The following IL1RAPL2 variants were observed in gnomAD, a reference collection of about 807,000 sequenced individuals.
The protein encoded by IL1RAPL2 is interleukin 1 receptor accessory protein like 2, also known as X-linked interleukin-1 receptor accessory protein-like 2.
IL1RAPL2 carries 3 observed loss-of-function variants against 44.1 expected under a neutral mutation model. The ratio of observed to expected loss-of-function variants is 0.07; its 90% confidence interval spans 0.03 to 0.18. The LOEUF (loss-of-function observed/expected upper bound fraction) is 0.18, where lower values mean the gene tolerates loss of function less well. Among genes scored for constraint, IL1RAPL2 ranks in the 10% least tolerant of loss-of-function variants. The pLI is 1.00. For missense variants in IL1RAPL2, 391 were observed against 496.4 expected, an observed-to-expected ratio of 0.79 and a Z score of 2.02; for synonymous variants, 181 against 178.8, an observed-to-expected ratio of 1.01 and a Z score of -0.10.
chrX:105,652,638 G>A (rs935171291), intron 6 of IL1RAPL2, among the ~76,000 whole-genome samples: 2 of 111,214 alleles, frequency 1.8e-5, no homozygotes, highest in African/African-American at 3.3e-5. Context: ...ATTTCTAATA[G>A]CTTCTCTTCC....
intron 3 of IL1RAPL2, among the ~76,000 whole-genome samples, chrX:105,207,190 T>C (rs1028625718): frequency 2.7e-5 from 3 of 110,944 alleles, no homozygotes; most frequent in Non-Finnish European, 5.7e-5. Flanking sequence ...TATTATTCAT[T>C]AAACAAATAT....
At chrX:105,440,651 A>G (rs5962521) in intron 5 of IL1RAPL2, among the ~76,000 whole-genome samples, 3,001 of 112,408 alleles carry the variant, frequency 0.027, 102 homozygotes, top group African/African-American at 0.091. Context: ...TAATTTTCAC[A>G]TAAGTAATAG....
At chrX:104,617,628 G>A (rs1414147718) in intron 1 of IL1RAPL2, among the ~76,000 whole-genome samples, 1 of 111,697 alleles carries the variant, frequency 9.0e-6, no homozygotes, top group Non-Finnish European at 1.9e-5. Context: ...TATTCTGCTT[G>A]GTTCAATCTG....
At chrX:104,691,026 A>G (rs781537998) in intron 2 of IL1RAPL2, among the ~76,000 whole-genome samples, 1 of 111,805 alleles carries the variant, frequency 8.9e-6, no homozygotes, top group Admixed American at 9.5e-5. Context: ...AAAAGTCTAG[A>G]GAGCAAAGTG....
intron 6 of IL1RAPL2, among the ~76,000 whole-genome samples, chrX:105,581,194 A>G (rs2037086986): frequency 8.9e-6 from 1 of 111,814 alleles, no homozygotes; most frequent in African/African-American, 3.2e-5. Flanking sequence ...CACAGCCTAA[A>G]TATCACACTA....
intron 6 of IL1RAPL2, among the ~76,000 whole-genome samples, chrX:105,550,680 G>A (rs185578014): frequency 4.5e-5 from 5 of 111,490 alleles, no homozygotes; most frequent in East Asian, 2.8e-4. Flanking sequence ...AAAATGGAAT[G>A]TAATTTCAAT....
chrX:105,253,279 A>C (rs1288568268), intron 4 of IL1RAPL2, among the ~76,000 whole-genome samples: 1 of 110,270 alleles, frequency 9.1e-6, no homozygotes, highest in African/African-American at 3.3e-5. Flanking sequence ...CTTGTTGGGA[A>C]GTTTCTATTG....
intron 2 of IL1RAPL2, among the ~76,000 whole-genome samples, chrX:104,865,354 G>T (rs923603445): frequency 8.9e-6 from 1 of 111,738 alleles, no homozygotes; most frequent in Admixed American, 9.5e-5. Flanking sequence ...GTTGTGTGAA[G>T]GATAGCTATA....
At position 104,975,768 on chromosome X, in the gene IL1RAPL2, C is replaced by T. The variant is rs1169611227; in HGVS notation, c.83-219707C>T. ...CCCTCTCCAGGTGGTACTGGTTGGG[C>T]TTATTTTCCTGGGCAGTGTGGGGTA... is the stretch of plus-strand genomic sequence containing the variant. On this transcript the variant is annotated intron_variant, in intron 2 of 10. Transcript: ENST00000372582. Among the ~76,000 whole-genome samples, 3 of 111,944 alleles carry T rather than the reference C, an allele frequency of 2.7e-5. No homozygotes were observed. The Admixed American group carries it at 2.8e-4, about 11-fold the overall frequency.
chrX:105,163,764 AAG>A (rs745922589), intron 2 of IL1RAPL2, among the ~76,000 whole-genome samples: 74 of 111,119 alleles, frequency 6.7e-4, no homozygotes, highest in Non-Finnish European at 4.2e-4. Context: ...AGGCTCAAAA[AAG>A]AGAGTAGCTA....
rs945837113 is a variant in IL1RAPL2 at position 105,659,269 on chromosome X, G to A, written c.773-58098G>A. Reference sequence around the variant, plus strand: ...AGACATAGATAGAGACCTTTCAGACGGAGAATTCAAAATAACTGTTTTTTG... The same window carrying A: ...AGACATAGATAGAGACCTTTCAGACAGAGAATTCAAAATAACTGTTTTTTG... On this transcript the variant is annotated intron_variant, in intron 6 of 10. Coordinates refer to ENST00000372582, the MANE Select transcript of IL1RAPL2 (RefSeq NM_017416.2). Among the ~76,000 whole-genome samples, 3 of 111,385 alleles carry A rather than the reference G, an allele frequency of 2.7e-5. No individual in the cohort carries two copies. The South Asian group carries it at 1.1e-3, about 42-fold the overall frequency.
rs776123771 is a variant in IL1RAPL2, at chrX:105,540,635, T to A, written c.772+56248T>A. On this transcript the variant is annotated intron_variant, in intron 6 of 10. Coordinates refer to ENST00000372582, the MANE Select transcript of IL1RAPL2 (RefSeq NM_017416.2). ...TTTTTCTCCACCTCATTCTGCTCCG[T>A]TGAATTTCTGACTCATATCTAACTG... Among the ~76,000 whole-genome samples, 7 of 105,879 alleles carry A rather than the reference T, an allele frequency of 6.6e-5. No individual in the cohort carries two copies. In the Admixed American group the frequency reaches 7.6e-4, roughly 11 times the overall value. 91.9% of individuals were successfully genotyped at this position (105,879 alleles called of 115,157 possible). A position where few individuals can be genotyped will look rare whatever the true frequency, so the allele number is the denominator to read the frequency against.
rs189708704 is a variant in IL1RAPL2 at position 105,293,706 on chromosome X, C to T, written c.697+26165C>T. On this transcript the variant is annotated intron_variant, in intron 5 of 10. Coordinates refer to ENST00000372582, the MANE Select transcript of IL1RAPL2 (RefSeq NM_017416.2). Reference sequence around the variant, plus strand: ...TTTTCACTTCTTTAAAGAGAACCCTCGCACCTTGGTACAGATAATCTTTCA... The same window carrying T: ...TTTTCACTTCTTTAAAGAGAACCCTTGCACCTTGGTACAGATAATCTTTCA... Among the ~76,000 whole-genome samples the T allele has an allele frequency of 3.8e-3, 423 of 111,172 alleles. 5 individuals carry two copies. The highest frequency in any genetic ancestry group is 0.013 in the African/African-American group (409 of 30,557).
chrX:105,698,067 GAC>G (rs1483093086), intron 6 of IL1RAPL2, among the ~76,000 whole-genome samples: 4 of 111,318 alleles, frequency 3.6e-5, no homozygotes, highest in Non-Finnish European at 7.5e-5. Context: ...GAGGGGAGTA[GAC>G]ACAGCATCAG....
chrX:104,630,734 T>G (rs1409886693), intron 1 of IL1RAPL2, among the ~76,000 whole-genome samples: 1 of 111,875 alleles, frequency 8.9e-6, no homozygotes, highest in Non-Finnish European at 1.9e-5. Context: ...ATCTGTAGAT[T>G]GCTTTGGGTA....
At chrX:105,121,026 G>A (rs145451247) in intron 2 of IL1RAPL2, among the ~76,000 whole-genome samples, 25 of 111,631 alleles carry the variant, frequency 2.2e-4, no homozygotes, top group African/African-American at 7.8e-4. Context: ...AATGCCTGCT[G>A]CATTAAGACC....
chrX:105,439,673 A>C (rs965633530), intron 5 of IL1RAPL2, among the ~76,000 whole-genome samples: 1 of 111,726 alleles, frequency 9.0e-6, no homozygotes, highest in Non-Finnish European at 1.9e-5. Context: ...GCCAGAGAAA[A>C]ACACATTGCA....
At chrX:105,117,381 G>A (rs182421910) in intron 2 of IL1RAPL2, among the ~76,000 whole-genome samples, 151 of 111,962 alleles carry the variant, frequency 1.3e-3, no homozygotes, top group African/African-American at 4.8e-3. Context: ...AATTCTAATG[G>A]AAAGGTAGTA....
chrX:105,344,968 A>T (rs7054903), intron 5 of IL1RAPL2, among the ~76,000 whole-genome samples: 13,988 of 111,505 alleles, frequency 0.13, 2,148 homozygotes, highest in African/African-American at 0.43. Flanking sequence ...TGTCATTCAA[A>T]GATGGCTTTC....
Sources: gnomAD v4.1 joint callset for allele counts (sites outside exome capture counted in the v4.1 genomes callset) on GRCh38, gnomAD v4.1.1 for gene constraint, MANE v1.5 for transcripts, NCBI Gene and HGNC (gene_info 2026-07-23, HGNC 2026-07-21) for gene names.